UPF1: variants seen among roughly 807,000 people sequenced by gnomAD.
UPF1 encodes regulator of nonsense transcripts 1.
In UPF1, 9 loss-of-function variants were observed where a neutral mutation model predicts 129.2. That is an observed-to-expected ratio of 0.07 (90% CI 0.04 to 0.12). UPF1 has a LOEUF of 0.12. Ranked by LOEUF, UPF1 falls within the 10% of genes least tolerant of loss-of-function variation. The probability of loss-of-function intolerance (pLI) is 1.00; values close to 1 mark genes in which losing one functional copy is unlikely to be tolerated. For synonymous variants in UPF1, 649 were observed against 644.9 expected (o/e 1.01, Z -0.10); for missense variants, 788 against 1,525.3 (o/e 0.52, Z 8.05).
chr19:18,854,611 T>C lies in UPF1; in HGVS notation c.1167T>C (p.Asp389=). Residue 389 remains aspartate (D), a synonymous_variant, in exon 9 of 24, where the codon GAT becomes GAC. Transcript: ENST00000262803. The part of the protein sequence containing the change: ...HVIKVPDNYG[D]EIAIELRSSV... ...TAACTCAGCACACAGATTATGGCGA[T>C]GAGATCGCCATTGAGCTGCGGAGCA... 3 of 1,597,290 alleles carry C rather than the reference T, an allele frequency of 1.9e-6. No individual in the cohort carries two copies. The highest frequency in any genetic ancestry group is 2.6e-6 in the Non-Finnish European group (3 of 1,165,572).
Position 18,832,404 on chromosome 19 carries a change from G to C in UPF1, c.195G>C (p.Ala65=). The C allele has an allele frequency of 9.9e-7, 1 of 1,006,020 alleles. No individual in the cohort carries two copies. Among genetic ancestry groups the C allele is most frequent in the Non-Finnish European group, 1.2e-6 (1 of 844,524 alleles). 62.3% of individuals were successfully genotyped at this position (1,006,020 alleles called of 1,614,324 possible). Residue 65 remains alanine (A), a synonymous_variant, in exon 1 of 24, where the codon GCG becomes GCC. Coordinates refer to ENST00000262803, the MANE Select transcript of UPF1 (RefSeq NM_002911.4). This position sits in a 1 kb window ranked among gnomAD's most constrained non-coding sequence, Gnocchi z 5.6. ...GGGGAGGPGG[A]GAGAAAGQLD... is the part of the protein sequence containing the mutation. Reference sequence around the variant, plus strand: ...GCGGCGCGGGAGGCCCGGGCGGCGCGGGCGCGGGCGCTGCGGCGGGACAGC... The same window carrying C: ...GCGGCGCGGGAGGCCCGGGCGGCGCCGGCGCGGGCGCTGCGGCGGGACAGC...
intron 1 of UPF1, among the ~76,000 whole-genome samples, chr19:18,843,716 CTTGT>C (rs770992685): frequency 1.9e-4 from 23 of 119,696 alleles, no homozygotes; most frequent in Non-Finnish European, 3.6e-4. Flanking sequence ...GTTGGCCAGG[CTTGT>C]GTGTGTGTGT....
intron 3 of UPF1, chr19:18,848,217 C>T (rs997772904): frequency 3.2e-5 from 7 of 217,630 alleles, no homozygotes; most frequent in Admixed American, 2.7e-4. Flanking sequence ...CTGAGCTCAT[C>T]GGAGCTGTCC....
chr19:18,863,756 G>A, intron 19 of UPF1, 144 bp downstream of exon 19: 2 of 1,196,956 alleles, frequency 1.7e-6, no homozygotes, highest in Non-Finnish European at 2.3e-6. Flanking sequence ...GGGAGGGTGG[G>A]CCAGCCCACT....
At chr19:18,864,732 T>TG (rs1366671073) in intron 20 of UPF1, among the ~76,000 whole-genome samples, 7 of 112,252 alleles carry the variant, frequency 6.2e-5, no homozygotes, top group African/African-American at 2.5e-4. Flanking sequence ...AATTTGCAGG[T>TG]GTTTTTTTTT....
chr19:18,835,706 T>A (rs1251973517), intron 1 of UPF1, among the ~76,000 whole-genome samples: 1 of 152,182 alleles, frequency 6.6e-6, no homozygotes, highest in East Asian at 1.9e-4. Flanking sequence ...GGATGGACCA[T>A]GTTTTGTTTA....
At chr19:18,858,898 C>T (rs1026935258) in intron 15 of UPF1, among the ~76,000 whole-genome samples, 2 of 152,112 alleles carry the variant, frequency 1.3e-5, no homozygotes, top group African/African-American at 4.8e-5. Context: ...GTTTGGACTC[C>T]CTAACTTTTG....
chr19:18,854,006 G>A (rs548053825), intron 8 of UPF1, among the ~76,000 whole-genome samples: 1 of 152,212 alleles, frequency 6.6e-6, no homozygotes, highest in Non-Finnish European at 1.5e-5. Flanking sequence ...CCCACCCTGG[G>A]CCTGACAAGC....
intron 1 of UPF1, among the ~76,000 whole-genome samples, chr19:18,840,386 G>A (rs1166200717): frequency 6.6e-6 from 1 of 152,230 alleles, no homozygotes; most frequent in African/African-American, 2.4e-5. Flanking sequence ...TCCCCAGGCT[G>A]AGCCGGGGCT....
Position 18,855,921 on chromosome 19 carries a change from G to A in UPF1, c.1545-4G>A. Reference sequence around the variant, plus strand: ...AGCACTGAGCTGCCCCAATGGTGTTGCAGGCCGGTGCTGGTGTGTGCTCCG... The same window carrying A: ...AGCACTGAGCTGCCCCAATGGTGTTACAGGCCGGTGCTGGTGTGTGCTCCG... On this transcript the variant is annotated splice_region_variant and splice_polypyrimidine_tract_variant and intron_variant, in intron 11 of 23. Coordinates refer to ENST00000262803, the MANE Select transcript of UPF1 (RefSeq NM_002911.4). 6.2e-7 allele frequency: 1 copy of A among 1,613,458 alleles called. No homozygotes were observed. The highest frequency in any genetic ancestry group is 8.5e-7 in the Non-Finnish European group (1 of 1,179,912).
intron 1 of UPF1, among the ~76,000 whole-genome samples, chr19:18,843,208 A>T (rs1011842732): frequency 6.6e-6 from 1 of 152,202 alleles, no homozygotes; most frequent in African/African-American, 2.4e-5. Flanking sequence ...TTAGCCAACA[A>T]TGTTGAGGGC....
intron 1 of UPF1, among the ~76,000 whole-genome samples, chr19:18,834,503 A>C (rs1282068331): frequency 6.6e-6 from 1 of 152,170 alleles, no homozygotes; most frequent in Non-Finnish European, 1.5e-5. Context: ...GGAGAGCATT[A>C]AAACGCTCCC....
At chr19:18,849,710 GAAAGAAGGGGC>G in intron 3 of UPF1, 4 of 235,662 alleles carry the variant, frequency 1.7e-5, no homozygotes, top group South Asian at 9.3e-5. Context: ...GTTGACCTTG[GAAAGAAGGGGC>G]TGGGGCCTTG....
intron 23 of UPF1, 57 bp downstream of exon 23, chr19:18,866,223 GGGGGCTCT>G: frequency 6.7e-7 from 1 of 1,502,710 alleles, no homozygotes; most frequent in Non-Finnish European, 8.9e-7. Flanking sequence ...AAGGATGGGA[GGGGGCTCT>G]CCCCAGGGAG....
At chr19:18,859,855 G>A (rs2055758651) in intron 15 of UPF1, 1 of 154,472 alleles carries the variant, frequency 6.5e-6, no homozygotes, top group South Asian at 2.0e-4. Context: ...CCAGGAGGGA[G>A]CCCAGAGGCA....
intron 1 of UPF1, among the ~76,000 whole-genome samples, chr19:18,840,363 C>T (rs2055528701): frequency 6.6e-6 from 1 of 152,212 alleles, no homozygotes; most frequent in African/African-American, 2.4e-5. Flanking sequence ...GTGGTCTCAT[C>T]AGGGTCCATA....
intron 17 of UPF1, among the ~76,000 whole-genome samples, chr19:18,861,218 T>C (rs1352289557): frequency 6.6e-6 from 1 of 152,100 alleles, no homozygotes; most frequent in Non-Finnish European, 1.5e-5. Context: ...ATCAGAAACA[T>C]GGGCTGAGAT....
At chr19:18,849,167 G>C (rs545425191) in intron 3 of UPF1, 1 of 152,512 alleles carries the variant, frequency 6.6e-6, no homozygotes, top group African/African-American at 2.4e-5. Flanking sequence ...GAGATGCTCA[G>C]AGTGGCCATG....
At chr19:18,856,130 T>G (rs1342424459) in intron 12 of UPF1, 41 bp downstream of exon 12, 10 of 1,607,818 alleles carry the variant, frequency 6.2e-6, no homozygotes, top group South Asian at 4.4e-5. Context: ...TCCCTGAGCT[T>G]CTGCGGGTGA....
Sources: allele counts gnomAD v4.1 joint callset (sites outside exome capture counted in the v4.1 genomes callset), GRCh38; gene constraint gnomAD v4.1.1; non-coding constraint Gnocchi (gnomAD v3.1); transcripts MANE v1.5; gene names NCBI Gene and HGNC (gene_info 2026-07-23, HGNC 2026-07-21).